CSMD1: variants seen among roughly 807,000 people sequenced by gnomAD.
CSMD1 encodes CUB and sushi domain-containing protein 1.
In CSMD1, 213 loss-of-function variants were observed where a neutral mutation model predicts 417.5. That is an observed-to-expected ratio of 0.51 (90% CI 0.46 to 0.57). CSMD1 has a LOEUF of 0.57. CSMD1 is among the 20% of genes least tolerant of loss of function. The pLI is 0.00. For missense variants in CSMD1, 6,923 were observed against 4,529.7 expected (o/e 1.53, Z -15.17); for synonymous variants, 2,862 against 1,736.8 (o/e 1.65, Z -16.11).
intron 3 of CSMD1, among the ~76,000 whole-genome samples, chr8:4,270,151 C>T (rs1200219851): frequency 1.3e-5 from 2 of 152,118 alleles, no homozygotes; most frequent in Non-Finnish European, 1.5e-5. Flanking sequence ...GGAATGTGGA[C>T]GAGAGACTTG....
intron 37 of CSMD1, among the ~76,000 whole-genome samples, chr8:3,176,507 A>T (rs1263629041): frequency 6.6e-6 from 1 of 152,154 alleles, no homozygotes; most frequent in Non-Finnish European, 1.5e-5. Context: ...GGCAATTTTC[A>T]AACCCCTAAG....
At chr8:4,442,226 C>T (rs985695890) in intron 2 of CSMD1, among the ~76,000 whole-genome samples, 1 of 152,158 alleles carries the variant, frequency 6.6e-6, no homozygotes, top group Non-Finnish European at 1.5e-5. Context: ...ATGTCATACA[C>T]AGTGCAGTGA....
At chr8:4,053,389 C>G (rs1279052679) in intron 3 of CSMD1, among the ~76,000 whole-genome samples, 2 of 151,492 alleles carry the variant, frequency 1.3e-5, no homozygotes, top group South Asian at 4.2e-4. Flanking sequence ...TGTGCGCTGA[C>G]TGCCTCTACC....
intron 5 of CSMD1, among the ~76,000 whole-genome samples, chr8:3,982,809 C>A (rs1001838842): frequency 1.3e-5 from 2 of 152,152 alleles, no homozygotes; most frequent in African/African-American, 4.8e-5. Context: ...CTGGAGGATT[C>A]TGAGGGGAGC....
At chr8:3,451,960 C>G (rs972765552) in intron 12 of CSMD1, among the ~76,000 whole-genome samples, 1 of 151,442 alleles carries the variant, frequency 6.6e-6, no homozygotes, top group Non-Finnish European at 1.5e-5. Context: ...ATGGAATGTT[C>G]TTCCATTTGT....
intron 1 of CSMD1, among the ~76,000 whole-genome samples, chr8:4,973,706 G>A (rs1447633312): frequency 2.6e-5 from 4 of 152,070 alleles, no homozygotes; most frequent in Non-Finnish European, 5.9e-5. Context: ...GCTCTTCAAG[G>A]CTTATGTTGT....
At chr8:4,949,877 C>A (rs1328033457) in intron 1 of CSMD1, among the ~76,000 whole-genome samples, 3 of 151,726 alleles carry the variant, frequency 2.0e-5, no homozygotes, top group African/African-American at 7.3e-5. Context: ...AAAGTAATTG[C>A]CTGGCAAAAA....
chr8:3,789,987 T>C (rs2129067137), intron 5 of CSMD1, among the ~76,000 whole-genome samples: 1 of 152,286 alleles, frequency 6.6e-6, no homozygotes. Flanking sequence ...CACCTCGGCC[T>C]CCCAAAGTGC....
chr8:3,024,257 T>C (rs1224943900), intron 51 of CSMD1, among the ~76,000 whole-genome samples: 1 of 149,758 alleles, frequency 6.7e-6, no homozygotes, highest in African/African-American at 2.5e-5. Context: ...ATTTTTTTCT[T>C]GTAGATCCCA....
chr8:3,523,943 A>T (rs907281440), intron 10 of CSMD1, among the ~76,000 whole-genome samples: 2 of 150,348 alleles, frequency 1.3e-5, no homozygotes, highest in African/African-American at 5.0e-5. Flanking sequence ...ACACTCAGAC[A>T]CGTGCATACA....
At chr8:4,306,539 A>G (rs1442331803) in intron 3 of CSMD1, among the ~76,000 whole-genome samples, 1 of 152,110 alleles carries the variant, frequency 6.6e-6, no homozygotes, top group Admixed American at 6.5e-5. Context: ...TGAAGACAAA[A>G]TTTTCTTCCT....
chr8:2,952,445 A>G (rs543104183), intron 65 of CSMD1, among the ~76,000 whole-genome samples: 13 of 152,330 alleles, frequency 8.5e-5, no homozygotes, highest in East Asian at 7.7e-4. Context: ...AAAGAGGAAC[A>G]GAAGATAATA....
chr8:4,156,896 A>G (rs565836079), intron 3 of CSMD1, among the ~76,000 whole-genome samples: 8 of 152,220 alleles, frequency 5.3e-5, no homozygotes, highest in Non-Finnish European at 7.4e-5. Context: ...AATGGAGTGC[A>G]TTTTTCTTAC....
chr8:4,674,740 A>G (rs1258288744), intron 1 of CSMD1, among the ~76,000 whole-genome samples: 1 of 152,174 alleles, frequency 6.6e-6, no homozygotes, highest in Admixed American at 6.5e-5. Context: ...AGAAAATGCA[A>G]GGTTTCCTGG....
chr8:4,569,407 T>G (rs111338215), intron 2 of CSMD1, among the ~76,000 whole-genome samples: 24,734 of 152,214 alleles, frequency 0.16, 2,346 homozygotes, highest in Non-Finnish European at 0.21. Context: ...GGAAATCCTT[T>G]CCCCATTGCT....
chr8:3,890,121 G>C (rs796520957), intron 5 of CSMD1, among the ~76,000 whole-genome samples: 3 of 152,074 alleles, frequency 2.0e-5, no homozygotes, highest in African/African-American at 7.2e-5. Flanking sequence ...ATATAACTTT[G>C]ATAGTTTATT....
intron 12 of CSMD1, among the ~76,000 whole-genome samples, chr8:3,417,581 C>T (rs138474863): frequency 0.011 from 1,630 of 152,292 alleles, 31 homozygotes; most frequent in African/African-American, 0.037. Context: ...GCTGCCATAG[C>T]TACTACATGC....
At chr8:3,673,635 C>T (rs540427474) in intron 7 of CSMD1, among the ~76,000 whole-genome samples, 53 of 152,284 alleles carry the variant, frequency 3.5e-4, no homozygotes, top group African/African-American at 1.1e-3. Context: ...CTAACGGGTG[C>T]GGGCAACTTA....
intron 2 of CSMD1, among the ~76,000 whole-genome samples, chr8:4,603,287 T>C (rs1800692339): frequency 6.6e-6 from 1 of 152,086 alleles, no homozygotes; most frequent in Admixed American, 6.5e-5. Context: ...TTTTTTACAT[T>C]TCAATCAATT....
Sources: gnomAD v4.1 joint callset for allele counts (sites outside exome capture counted in the v4.1 genomes callset) on GRCh38, gnomAD v4.1.1 for gene constraint, MANE v1.5 for transcripts, NCBI Gene and HGNC (gene_info 2026-07-23, HGNC 2026-07-21) for gene names.